The following NEGR1 variants were observed in gnomAD, a reference collection of about 807,000 sequenced individuals.
The protein encoded by NEGR1 is neuronal growth regulator 1.
NEGR1 carries 10 observed loss-of-function variants against 40.9 expected under a neutral mutation model. The ratio of observed to expected loss-of-function variants is 0.24; its 90% CI spans 0.15 to 0.42. NEGR1 has a LOEUF of 0.42. Among genes scored for constraint, NEGR1 ranks in the 10% least tolerant of loss-of-function variants. The pLI is 1.00. For missense variants in NEGR1, 352 were observed against 438.9 expected (o/e 0.80, Z 1.77); for synonymous variants, 185 against 166.8 (o/e 1.11, Z -0.84).
intron 6 of NEGR1, among the ~76,000 whole-genome samples, chr1:71,446,242 AG>A (rs1443745136): frequency 1.3e-5 from 2 of 152,164 alleles, no homozygotes; most frequent in African/African-American, 4.8e-5. Context: ...CATGAAGAAG[AG>A]GTAATAGGCA....
chr1:71,456,289 G>T (rs1319586017), intron 6 of NEGR1, among the ~76,000 whole-genome samples: 2 of 152,210 alleles, frequency 1.3e-5, no homozygotes, highest in East Asian at 3.9e-4. Flanking sequence ...GTTTATTTCT[G>T]TAGTGATGGG....
At chr1:71,573,337 G>C (rs189823843) in intron 6 of NEGR1, 2 of 152,298 alleles carry the variant, frequency 1.3e-5, no homozygotes, top group Admixed American at 6.5e-5. Context: ...TGGCAAAATT[G>C]CCATTTTTTT....
At chr1:71,815,014 A>G (rs1452905902) in intron 2 of NEGR1, among the ~76,000 whole-genome samples, 1 of 151,978 alleles carries the variant, frequency 6.6e-6, no homozygotes, top group Admixed American at 6.6e-5. Flanking sequence ...TCAGTTTGAG[A>G]TCTTTCTAGC....
chr1:71,422,342 G>A (rs997749433), intron 6 of NEGR1, among the ~76,000 whole-genome samples: 1 of 152,190 alleles, frequency 6.6e-6, no homozygotes, highest in Non-Finnish European at 1.5e-5. Flanking sequence ...TACAGAACTG[G>A]CTTATTTGTA....
At chr1:71,935,524 AGTGTGTGT>A (rs3061582) in intron 1 of NEGR1, among the ~76,000 whole-genome samples, 16 of 149,422 alleles carry the variant, frequency 1.1e-4, no homozygotes, top group Admixed American at 7.3e-4. Context: ...TTAAGTGTGT[AGTGTGTGT>A]GTGTGTGTGT....
At chr1:71,708,427 G>C (rs1384054364) in intron 3 of NEGR1, among the ~76,000 whole-genome samples, 1 of 151,928 alleles carries the variant, frequency 6.6e-6, no homozygotes, top group East Asian at 1.9e-4. Flanking sequence ...GAATGAATTA[G>C]TGAGCAATCT....
intron 2 of NEGR1, chr1:71,794,481 A>G (rs1346892324): frequency 6.6e-6 from 1 of 152,132 alleles, no homozygotes; most frequent in Non-Finnish European, 1.5e-5. Context: ...ATGATAGCGG[A>G]GTATTACAAA....
At chr1:71,624,102 C>T (rs1455985127) in intron 4 of NEGR1, among the ~76,000 whole-genome samples, 1 of 151,888 alleles carries the variant, frequency 6.6e-6, no homozygotes, top group East Asian at 1.9e-4. Context: ...TCGCCAGATC[C>T]TGTCTATTTA....
At chr1:71,836,377 C>T (rs1004374110) in intron 2 of NEGR1, among the ~76,000 whole-genome samples, 2 of 149,362 alleles carry the variant, frequency 1.3e-5, no homozygotes, top group African/African-American at 2.5e-5. Context: ...TGAAGTAAGC[C>T]GAGATCGCAT....
chr1:71,770,313 C>G (rs972116204), intron 3 of NEGR1, among the ~76,000 whole-genome samples: 3 of 152,110 alleles, frequency 2.0e-5, no homozygotes, highest in Non-Finnish European at 4.4e-5. Context: ...TTACAGGCTC[C>G]GTTCCAGGCT....
intron 6 of NEGR1, among the ~76,000 whole-genome samples, chr1:71,511,493 TA>T (rs1270934997): frequency 6.6e-6 from 1 of 152,212 alleles, no homozygotes; most frequent in Non-Finnish European, 1.5e-5. Context: ...AAATAATATA[TA>T]CTGCATTCAA....
At position 71,481,084 on chromosome 1, in the gene NEGR1, A is replaced by G. The variant is rs12041121; in HGVS notation, c.941-73514T>C. On this transcript the variant is annotated intron_variant, in intron 6 of 6. Coordinates refer to ENST00000357731, the MANE Select transcript of NEGR1 (RefSeq NM_173808.3). ...TTATTTCATATAATGATTTCATTTC[A>G]TAACTCCATTATTAAGCCTTTACCA... Among the ~76,000 whole-genome samples, 1,652 of 152,040 alleles carry G rather than the reference A, an allele frequency of 0.011. 77 individuals are homozygous for G. The East Asian group carries it at 0.18, about 16-fold the overall frequency.
At chr1:72,274,988 G>C (rs971959224) in intron 1 of NEGR1, 4 of 1,536,152 alleles carry the variant, frequency 2.6e-6, no homozygotes, top group African/African-American at 2.7e-5. Flanking sequence ...GCCATAGTTA[G>C]TACGACTGTG....
chr1:71,770,472 T>G (rs926091209), intron 3 of NEGR1, among the ~76,000 whole-genome samples: 2 of 152,234 alleles, frequency 1.3e-5, no homozygotes, highest in African/African-American at 4.8e-5. Context: ...TAAGTAAAGT[T>G]ACATTTTTAA....
intron 1 of NEGR1, among the ~76,000 whole-genome samples, chr1:72,095,108 A>T (rs919196307): frequency 3.3e-5 from 5 of 152,180 alleles, no homozygotes; most frequent in Admixed American, 2.6e-4. Flanking sequence ...ATATGATGAT[A>T]TGCCTAATTT....
chr1:71,798,125 A>G (rs1657406644), intron 2 of NEGR1: 3 of 152,070 alleles, frequency 2.0e-5, no homozygotes, highest in Admixed American at 2.0e-4. Flanking sequence ...GAGCACAGCC[A>G]GGTGAGAGAA....
At position 71,752,265 on chromosome 1, in the gene NEGR1, T is replaced by C. The variant is rs867900416; in HGVS notation, c.535+23907A>G. Among the ~76,000 whole-genome samples, 5 of 152,286 alleles carry C rather than the reference T, an allele frequency of 3.3e-5. No individual in the cohort carries two copies. In the Middle Eastern group the frequency reaches 0.014, roughly 414 times the overall value. On this transcript the variant is annotated intron_variant, in intron 3 of 6. Coordinates refer to ENST00000357731, the MANE Select transcript of NEGR1 (RefSeq NM_173808.3). ...CATTTTCTTACTTGCAGGCCATAGG[T>C]TCTCTGTTACAACTACTCAACTCTG...
At chr1:71,834,862 ACCGTCGTTTTAAGATTTTAGGAGAT>A (rs1658963960) in intron 2 of NEGR1, among the ~76,000 whole-genome samples, 1 of 121,634 alleles carries the variant, frequency 8.2e-6, no homozygotes, top group African/African-American at 3.0e-5. Flanking sequence ...CCTGCCAAAC[ACCGTCGTTTTAAGATTTTAGGAGAT>A]CACACACACA....
intron 2 of NEGR1, among the ~76,000 whole-genome samples, chr1:71,911,061 C>T (rs1471821003): frequency 2.6e-5 from 4 of 152,148 alleles, no homozygotes; most frequent in East Asian, 1.9e-4. Context: ...AGCTTGAGAA[C>T]CACCCTAGTG....
Sources: allele counts gnomAD v4.1 joint callset (sites outside exome capture counted in the v4.1 genomes callset), GRCh38; gene constraint gnomAD v4.1.1; transcripts MANE v1.5; gene names NCBI Gene and HGNC (gene_info 2026-07-23, HGNC 2026-07-21).